FGF12: variants seen among roughly 807,000 people sequenced by gnomAD.
FGF12 encodes the protein fibroblast growth factor 12.
In FGF12, 14 loss-of-function variants were observed where a neutral mutation model predicts 23.6. The observed-to-expected ratio is 0.59, with a 90% CI of 0.39 to 0.93. The LOEUF (loss-of-function observed/expected upper bound fraction) is 0.93. Ranked by LOEUF, FGF12 falls within the 40% of genes least tolerant of loss-of-function variation. FGF12 has a pLI of 0.00. For missense variants in FGF12, 175 were observed against 217.8 expected, an observed-to-expected ratio of 0.80 and a Z score of 1.24; for synonymous variants, 62 against 77.3, an observed-to-expected ratio of 0.80 and a Z score of 1.04.
chr3:192,671,283 C>T (rs777899682), intron 2 of FGF12, among the ~76,000 whole-genome samples: 12 of 152,068 alleles, frequency 7.9e-5, no homozygotes, highest in Non-Finnish European at 1.5e-5. Flanking sequence ...TCTAGTAGTA[C>T]AGTAAAATAA....
chr3:192,172,746 G>C (rs570722977), intron 4 of FGF12, among the ~76,000 whole-genome samples: 1 of 150,800 alleles, frequency 6.6e-6, no homozygotes, highest in African/African-American at 2.4e-5. Context: ...GCCTCAAAAG[G>C]TTAAACATAC....
intron 2 of FGF12, among the ~76,000 whole-genome samples, chr3:192,453,870 T>A (rs909381507): frequency 6.6e-6 from 1 of 152,174 alleles, no homozygotes; most frequent in Non-Finnish European, 1.5e-5. Context: ...AAACTTTATT[T>A]CTCTATAAAC....
chr3:192,265,118 T>C (rs970592794), intron 4 of FGF12: 5 of 152,174 alleles, frequency 3.3e-5, no homozygotes, highest in African/African-American at 1.2e-4. Context: ...TGTGTAAAGA[T>C]TGACAAACAA....
intron 2 of FGF12, among the ~76,000 whole-genome samples, chr3:192,584,188 T>C (rs1440404706): frequency 6.6e-6 from 1 of 152,194 alleles, no homozygotes; most frequent in African/African-American, 2.4e-5. Flanking sequence ...AATTACTGTT[T>C]CTTTGATACC....
intron 2 of FGF12, among the ~76,000 whole-genome samples, chr3:192,447,976 C>G (rs187780501): frequency 6.6e-6 from 1 of 152,192 alleles, no homozygotes; most frequent in Non-Finnish European, 1.5e-5. Context: ...CTTCACAGCC[C>G]TTTTTGCCTG....
At chr3:192,661,352 T>A (rs1347533108) in intron 2 of FGF12, among the ~76,000 whole-genome samples, 1 of 152,130 alleles carries the variant, frequency 6.6e-6, no homozygotes, top group Non-Finnish European at 1.5e-5. Context: ...TGAAACCCCA[T>A]CTCTACTAAA....
chr3:192,673,931 G>A (rs188490143), intron 2 of FGF12, among the ~76,000 whole-genome samples: 1 of 151,182 alleles, frequency 6.6e-6, no homozygotes, highest in Admixed American at 6.6e-5. Flanking sequence ...GAGTCAAATA[G>A]TATTTCTGTT....
At chr3:192,161,891 A>C (rs1714903256) in intron 5 of FGF12, among the ~76,000 whole-genome samples, 1 of 152,120 alleles carries the variant, frequency 6.6e-6, no homozygotes, top group Non-Finnish European at 1.5e-5. Context: ...GTCACTCTGT[A>C]GTGGAGAGTT....
chr3:192,443,802 CCAT>C (rs1722273477), intron 2 of FGF12, among the ~76,000 whole-genome samples: 1 of 152,134 alleles, frequency 6.6e-6, no homozygotes, highest in Non-Finnish European at 1.5e-5. Context: ...TGGAAATTCC[CCAT>C]CATGGTCAAG....
chr3:192,293,664 G>A (rs1308807810), intron 4 of FGF12, among the ~76,000 whole-genome samples: 4 of 152,120 alleles, frequency 2.6e-5, no homozygotes, highest in Admixed American at 6.6e-5. Flanking sequence ...TAGAGATTCT[G>A]TACCTTTCAA....
chr3:192,687,358 C>T (rs1717784886), intron 2 of FGF12, among the ~76,000 whole-genome samples: 1 of 151,884 alleles, frequency 6.6e-6, no homozygotes, highest in East Asian at 1.9e-4. Context: ...GACTCTCACG[C>T]CCCACACATG....
intron 2 of FGF12, among the ~76,000 whole-genome samples, chr3:192,539,211 T>A (rs1725304917): frequency 6.6e-6 from 1 of 152,210 alleles, no homozygotes; most frequent in Non-Finnish European, 1.5e-5. Context: ...ATCCATGTCA[T>A]GTTCCAGATT....
At chr3:192,592,069 C>CT (rs1713649807) in intron 2 of FGF12, among the ~76,000 whole-genome samples, 3 of 151,788 alleles carry the variant, frequency 2.0e-5, no homozygotes, top group Admixed American at 6.6e-5. Context: ...AAAAAAATCT[C>CT]TATTAGGACA....
At chr3:192,208,104 A>G (rs1008316463) in intron 4 of FGF12, among the ~76,000 whole-genome samples, 2 of 152,218 alleles carry the variant, frequency 1.3e-5, no homozygotes, top group Non-Finnish European at 2.9e-5. Context: ...AGAGGCGGAG[A>G]AAGTCAAGAA....
chr3:192,507,181 T>C (rs1486700833), intron 2 of FGF12, among the ~76,000 whole-genome samples: 3 of 152,124 alleles, frequency 2.0e-5, no homozygotes, highest in East Asian at 1.9e-4. Context: ...CGTGAGCCAC[T>C]GTGCCCGGCC....
intron 2 of FGF12, among the ~76,000 whole-genome samples, chr3:192,646,346 T>C (rs1417820837): frequency 6.6e-6 from 1 of 152,072 alleles, no homozygotes; most frequent in Non-Finnish European, 1.5e-5. Context: ...TGGTATCTAC[T>C]AATGAGCCCC....
chr3:192,687,674 G>A (rs1189434355), intron 2 of FGF12, among the ~76,000 whole-genome samples: 1 of 152,078 alleles, frequency 6.6e-6, no homozygotes, highest in Non-Finnish European at 1.5e-5. Context: ...ACCTGTGCAT[G>A]TGTAAGTAGC....
At chr3:192,539,808 C>A (rs996404846) in intron 2 of FGF12, among the ~76,000 whole-genome samples, 1 of 151,846 alleles carries the variant, frequency 6.6e-6, no homozygotes, top group Non-Finnish European at 1.5e-5. Flanking sequence ...TGACTTACTA[C>A]TGCTTTGATC....
intron 2 of FGF12, among the ~76,000 whole-genome samples, chr3:192,479,263 T>C (rs766931286): frequency 2.6e-5 from 4 of 152,142 alleles, no homozygotes; most frequent in African/African-American, 4.8e-5. Context: ...TCTAACACCA[T>C]CATCCTTTCA....
Sources: allele counts gnomAD v4.1 joint callset (sites outside exome capture counted in the v4.1 genomes callset), GRCh38; gene constraint gnomAD v4.1.1; transcripts MANE v1.5; gene names NCBI Gene and HGNC (gene_info 2026-07-23, HGNC 2026-07-21).